LIPJ: variants seen among roughly 807,000 people sequenced by gnomAD.
The protein encoded by LIPJ is lipase member J.
A neutral mutation model predicts 39.8 loss-of-function variants in LIPJ; 33 were observed. The ratio of observed to expected loss-of-function variants is 0.83; its 90% CI spans 0.63 to 1.11. The LOEUF (loss-of-function observed/expected upper bound fraction) is 1.11, where lower values mean the gene tolerates loss of function less well. Among genes scored for constraint, LIPJ ranks in the 50% least tolerant of loss-of-function variants. LIPJ has a pLI of 0.00. For synonymous variants in LIPJ, 128 were observed against 139.2 expected (o/e 0.92, Z 0.57); for missense variants, 422 against 427.9 (o/e 0.99, Z 0.12).
At chr10:88,613,800 A>ATGTGTGTG in the LIPJ span, among the ~76,000 whole-genome samples, 125 of 74,016 alleles carry the variant, frequency 1.7e-3, 1 homozygote, top group Admixed American at 2.6e-3. Flanking sequence ...ATATATATAT[A>ATGTGTGTG]TGTGTGTGTG....
At chr10:88,595,351 T>C (rs1851218205) in intron 6 of LIPJ, among the ~76,000 whole-genome samples, 1 of 151,876 alleles carries the variant, frequency 6.6e-6, no homozygotes, top group East Asian at 1.9e-4. Flanking sequence ...ACTGTAAACC[T>C]CTTTACCCAC....
the LIPJ span, among the ~76,000 whole-genome samples, chr10:88,621,290 A>C: frequency 1.1e-4 from 17 of 152,326 alleles, no homozygotes; most frequent in Non-Finnish European, 2.1e-4. Flanking sequence ...AGTGATAAAC[A>C]GAGTGTGGTA....
chr10:88,602,687 T>G, intron 9 of LIPJ, 40 bp downstream of exon 9: 2 of 1,266,486 alleles, frequency 1.6e-6, no homozygotes, highest in Non-Finnish European at 2.2e-6. Context: ...ATTTAATTCA[T>G]GCTACTCATG....
At chr10:88,593,213 C>T (rs1564932068) in intron 4 of LIPJ, 1 of 151,570 alleles carries the variant, frequency 6.6e-6, no homozygotes, top group Non-Finnish European at 1.5e-5. Context: ...TGGTCATAGC[C>T]TTGTTTGTTA....
chr10:88,591,398 G>T, exon 4 of LIPJ: 1 of 1,602,432 alleles, frequency 6.2e-7, no homozygotes. Context: ...TTTCCTACTG[G>T]GGCTACCCTG....
chr10:88,586,818 T>A (rs974333811), exon 1 of LIPJ: 13 of 152,192 alleles, frequency 8.5e-5, no homozygotes, highest in Non-Finnish European at 1.5e-5. Context: ...CTTTTGAGGA[T>A]AATACTTAAA....
the LIPJ span, among the ~76,000 whole-genome samples, chr10:88,620,228 A>T: frequency 6.6e-6 from 1 of 152,200 alleles, no homozygotes. Context: ...TAAAGAGGAA[A>T]AAATAATTAA....
chr10:88,602,613 G>T, exon 9 of LIPJ: 1 of 1,587,922 alleles, frequency 6.3e-7, no homozygotes, highest in South Asian at 1.1e-5. Context: ...AACCCAGCAG[G>T]AACATCTGTT....
chr10:88,597,439 T>C (rs1030226004), intron 8 of LIPJ, among the ~76,000 whole-genome samples: 8 of 151,908 alleles, frequency 5.3e-5, no homozygotes, highest in African/African-American at 1.9e-4. Context: ...AACCTTTGGA[T>C]TGATTGTGTA....
intron 10 of LIPJ, 101 bp downstream of exon 10, chr10:88,605,805 A>G (rs1165300967): frequency 2.8e-6 from 2 of 717,962 alleles, no homozygotes; most frequent in Non-Finnish European, 4.9e-6. Flanking sequence ...ACAATAACAC[A>G]CTGATTAAGG....
At chr10:88,606,545 T>C in intron 10 of LIPJ, 129 bp from the exon 11 acceptor site, 1 of 568,972 alleles carries the variant, frequency 1.8e-6, no homozygotes, top group Non-Finnish European at 3.1e-6. Context: ...ACAGATCCAG[T>C]AAGTTGAATC....
chr10:88,603,889 G>A (rs370773198), intron 9 of LIPJ, among the ~76,000 whole-genome samples: 29 of 152,126 alleles, frequency 1.9e-4, no homozygotes, highest in Middle Eastern at 3.4e-3. Context: ...CTGGTGATGC[G>A]TAGACTAGAA....
intron 3 of LIPJ, among the ~76,000 whole-genome samples, chr10:88,591,089 TTAAAAAAGAAAATATTCTTGAGA>T (rs1351415960): frequency 2.0e-5 from 3 of 151,734 alleles, no homozygotes; most frequent in Non-Finnish European, 4.4e-5. Context: ...AGACTAGTAG[TTAAAAAAGAAAATATTCTTGAGA>T]TATCTCTTTG....
upstream of LIPJ, chr10:88,583,190 T>G (rs768207035): frequency 6.2e-7 from 1 of 1,613,868 alleles, no homozygotes; most frequent in South Asian, 1.1e-5. Flanking sequence ...ACCTGCGCCA[T>G]GGCGAGAGGG....
chr10:88,588,909 C>T (rs1466313364), intron 2 of LIPJ, among the ~76,000 whole-genome samples: 1 of 151,736 alleles, frequency 6.6e-6, no homozygotes, highest in African/African-American at 2.4e-5. Context: ...TTAAACATTT[C>T]CCATTGGTGG....
downstream of LIPJ, among the ~76,000 whole-genome samples, chr10:88,609,336 G>A (rs1319173720): frequency 6.6e-6 from 1 of 152,226 alleles, no homozygotes; most frequent in Non-Finnish European, 1.5e-5. Flanking sequence ...AAATAGTACT[G>A]AGAATAGATA....
intron 8 of LIPJ, among the ~76,000 whole-genome samples, chr10:88,599,609 C>A (rs983428331): frequency 2.0e-5 from 3 of 151,360 alleles, no homozygotes; most frequent in Non-Finnish European, 4.4e-5. Flanking sequence ...AGAATTTTTT[C>A]TTTTCTATGG....
At chr10:88,607,082 C>T (rs569262095), downstream of LIPJ, 12 of 526,614 alleles carry the variant, frequency 2.3e-5, no homozygotes. Context: ...TTCATCATCT[C>T]AGGGGAAATG....
At chr10:88,607,446 G>A (rs1359921744), downstream of LIPJ, among the ~76,000 whole-genome samples, 6 of 152,088 alleles carry the variant, frequency 3.9e-5, no homozygotes, top group Non-Finnish European at 8.8e-5. Context: ...AACCGTAGAG[G>A]GGCTGTGCCT....
Sources: allele counts gnomAD v4.1 joint callset (sites outside exome capture counted in the v4.1 genomes callset), GRCh38; gene constraint gnomAD v4.1.1; transcripts MANE v1.5; gene names NCBI Gene and HGNC (gene_info 2026-07-23, HGNC 2026-07-21).